Variants in DAB1 observed in about 807,000 individuals in gnomAD.
The protein encoded by DAB1 is DAB adaptor protein 1.
Under a neutral mutation model 64.6 loss-of-function variants are expected in DAB1, and 15 were observed. That is an observed-to-expected ratio of 0.23 (90% CI 0.16 to 0.36). DAB1 has a LOEUF of 0.36. DAB1 is among the 10% of genes least tolerant of loss of function. DAB1 has a pLI of 1.00. For missense variants in DAB1, 596 were observed against 706.7 expected, an observed-to-expected ratio of 0.84 and a Z score of 1.78; for synonymous variants, 235 against 251.9, an observed-to-expected ratio of 0.93 and a Z score of 0.64.
At chr1:58,343,788 TATA>T (rs1643966630) in intron 3 of DAB1, among the ~76,000 whole-genome samples, 1 of 152,180 alleles carries the variant, frequency 6.6e-6, no homozygotes, top group Non-Finnish European at 1.5e-5. Flanking sequence ...GTTGTTTGAG[TATA>T]ATAAGATAAT....
chr1:57,173,825 G>A (rs1283362444), intron 2 of DAB1, among the ~76,000 whole-genome samples: 1 of 151,630 alleles, frequency 6.6e-6, no homozygotes, highest in Non-Finnish European at 1.5e-5. Context: ...TTTTCACCAA[G>A]AAGGAAAAAT....
intron 5 of DAB1, among the ~76,000 whole-genome samples, chr1:58,107,153 G>A (rs76376206): frequency 0.069 from 10,540 of 151,662 alleles, 497 homozygotes; most frequent in African/African-American, 0.12. Flanking sequence ...ATAGAGATAT[G>A]GGATGCAGTA....
chr1:57,502,318 C>CAAAAAAAAAAAAAA (rs10649147), intron 7 of DAB1, among the ~76,000 whole-genome samples: 2 of 94,224 alleles, frequency 2.1e-5, no homozygotes, highest in Non-Finnish European at 4.2e-5. Context: ...GAGTCCGTCT[C>CAAAAAAAAAAAAAA]AAAAAAAAAA....
At chr1:58,463,404 T>C (rs1020030171) in intron 3 of DAB1, among the ~76,000 whole-genome samples, 5 of 152,154 alleles carry the variant, frequency 3.3e-5, no homozygotes, top group African/African-American at 1.2e-4. Flanking sequence ...ACCTGTGTCT[T>C]TGAAAGGCCA....
At chr1:58,417,140 G>A (rs566705902) in intron 3 of DAB1, among the ~76,000 whole-genome samples, 91 of 152,194 alleles carry the variant, frequency 6.0e-4, no homozygotes, top group African/African-American at 1.9e-3. Flanking sequence ...GCATCCTCCC[G>A]TCTCTTCTTG....
chr1:58,040,979 C>T (rs999458831), intron 5 of DAB1, among the ~76,000 whole-genome samples: 7 of 152,180 alleles, frequency 4.6e-5, no homozygotes, highest in Non-Finnish European at 1.0e-4. Context: ...CCAACTTCAT[C>T]AGACCTATGC....
chr1:57,620,291 C>A (rs1645840654), intron 7 of DAB1, among the ~76,000 whole-genome samples: 1 of 152,120 alleles, frequency 6.6e-6, no homozygotes, highest in Admixed American at 6.5e-5. Context: ...ATGTCCTAAC[C>A]TATTCTCTTA....
chr1:57,197,889 G>C (rs1664764800), intron 2 of DAB1, among the ~76,000 whole-genome samples: 1 of 152,196 alleles, frequency 6.6e-6, no homozygotes, highest in East Asian at 1.9e-4. Context: ...CAATAAAGTA[G>C]ATTAAATTAA....
upstream of DAB1, among the ~76,000 whole-genome samples, chr1:57,424,590 T>G (rs1394997876): frequency 6.6e-6 from 1 of 152,206 alleles, no homozygotes; most frequent in Non-Finnish European, 1.5e-5. Flanking sequence ...ATCTACCCTT[T>G]TATCCAAGCC....
At chr1:57,630,848 A>C (rs1645980677) in intron 7 of DAB1, among the ~76,000 whole-genome samples, 1 of 152,238 alleles carries the variant, frequency 6.6e-6, no homozygotes, top group Non-Finnish European at 1.5e-5. Context: ...CAACAATTTA[A>C]TTATTCAAAT....
At chr1:57,585,528 T>G (rs1395956803) in intron 7 of DAB1, among the ~76,000 whole-genome samples, 1 of 152,192 alleles carries the variant, frequency 6.6e-6, no homozygotes, top group Non-Finnish European at 1.5e-5. Flanking sequence ...AGTAGTCTTC[T>G]TTCCTTGAAC....
chr1:58,513,955 T>C (rs7515056), intron 2 of DAB1, among the ~76,000 whole-genome samples: 27,056 of 152,112 alleles, frequency 0.18, 2,544 homozygotes, highest in Middle Eastern at 0.23. Context: ...CCTGGGTCAA[T>C]AATTTAGTCT....
chr1:57,289,286 G>A (rs1000438247), intron 2 of DAB1, among the ~76,000 whole-genome samples: 3 of 152,198 alleles, frequency 2.0e-5, no homozygotes, highest in Non-Finnish European at 4.4e-5. Context: ...AATGCATTAA[G>A]CATTCAAGAG....
At chr1:57,491,282 G>T (rs1433655682) in intron 7 of DAB1, among the ~76,000 whole-genome samples, 1 of 152,004 alleles carries the variant, frequency 6.6e-6, no homozygotes, top group African/African-American at 2.4e-5. Flanking sequence ...CAAAAAATTA[G>T]CCAGGCGTGG....
intron 5 of DAB1, among the ~76,000 whole-genome samples, chr1:58,032,935 C>T (rs929402843): frequency 1.3e-5 from 2 of 152,246 alleles, no homozygotes; most frequent in African/African-American, 4.8e-5. Flanking sequence ...GATCTTTCTC[C>T]TGTTTCAGGT....
chr1:58,508,975 A>G (rs1646031630), intron 2 of DAB1, among the ~76,000 whole-genome samples: 1 of 152,080 alleles, frequency 6.6e-6, no homozygotes, highest in African/African-American at 2.4e-5. Flanking sequence ...ACCAGACAGG[A>G]CCCTAGACAC....
intron 4 of DAB1, among the ~76,000 whole-genome samples, chr1:58,287,132 C>T (rs1015399920): frequency 6.6e-6 from 1 of 152,110 alleles, no homozygotes; most frequent in Admixed American, 6.5e-5. Flanking sequence ...AATACATAGA[C>T]ACAGGGAGGG....
chr1:58,470,966 T>C (rs751241032), intron 3 of DAB1, among the ~76,000 whole-genome samples: 48 of 152,230 alleles, frequency 3.2e-4, no homozygotes, highest in Non-Finnish European at 6.2e-4. Flanking sequence ...ACTTACAAGC[T>C]GTGTGACAGA....
intron 6 of DAB1, among the ~76,000 whole-genome samples, chr1:57,808,735 T>G (rs1333326873): frequency 6.6e-6 from 1 of 152,226 alleles, no homozygotes. Flanking sequence ...ATGAAAACTT[T>G]AGTTTTCAAA....
Sources: allele counts gnomAD v4.1 joint callset (sites outside exome capture counted in the v4.1 genomes callset), GRCh38; gene constraint gnomAD v4.1.1; transcripts MANE v1.5; gene names NCBI Gene and HGNC (gene_info 2026-07-23, HGNC 2026-07-21).